PPP2R5E: variants seen among roughly 807,000 people sequenced by gnomAD.
The protein encoded by PPP2R5E is protein phosphatase 2 regulatory subunit B'epsilon, also known as serine/threonine-protein phosphatase 2A 56 kDa regulatory subunit epsilon isoform.
In PPP2R5E, 4 loss-of-function variants were observed where a neutral mutation model predicts 65.3. The ratio of observed to expected loss-of-function variants is 0.06; its 90% confidence interval spans 0.03 to 0.14. The LOEUF is 0.14. Among genes scored for constraint, PPP2R5E ranks in the 10% least tolerant of loss-of-function variants. The pLI is 1.00. For synonymous variants in PPP2R5E, 183 were observed against 187.4 expected (o/e 0.98, Z 0.19); for missense variants, 274 against 556.1 (o/e 0.49, Z 5.10).
chr14:63,526,349 A>G lies in PPP2R5E; in HGVS notation c.157+13180T>C, dbSNP rs956949656. On this transcript the variant is annotated intron_variant, in intron 2 of 13. Coordinates refer to ENST00000337537, the MANE Select transcript of PPP2R5E (RefSeq NM_006246.5). ...TTAGAACTCTATATCTTATTTTTCA[A>G]TATCATCCTTTTTAAACATCTCTAT... 7.2e-5 allele frequency among the ~76,000 whole-genome samples: 11 copies of G among 152,176 alleles called. No homozygotes were observed. The East Asian group carries it at 9.6e-4, about 13-fold the overall frequency.
intron 5 of PPP2R5E, among the ~76,000 whole-genome samples, chr14:63,407,904 C>T (rs370682842): frequency 9.8e-5 from 15 of 152,290 alleles, no homozygotes; most frequent in African/African-American, 3.6e-4. Flanking sequence ...CGTTAGATGC[C>T]AGCACCTCGA....
At chr14:63,505,109 C>A (rs61983973) in intron 2 of PPP2R5E, among the ~76,000 whole-genome samples, 6,298 of 152,110 alleles carry the variant, frequency 0.041, 183 homozygotes, top group Middle Eastern at 0.071. Context: ...CCGAGACAGG[C>A]GGATCATTTG....
intron 2 of PPP2R5E, among the ~76,000 whole-genome samples, chr14:63,506,798 A>G (rs1333508309): frequency 6.6e-6 from 1 of 152,212 alleles, no homozygotes; most frequent in Non-Finnish European, 1.5e-5. Context: ...CCCAGGTATA[A>G]TATTTACCCA....
intron 3 of PPP2R5E, among the ~76,000 whole-genome samples, chr14:63,445,211 C>T (rs73274611): frequency 0.072 from 11,029 of 152,184 alleles, 1,330 homozygotes; most frequent in African/African-American, 0.25. Flanking sequence ...TTTACAGGCA[C>T]ACCTCACATA....
intron 3 of PPP2R5E, among the ~76,000 whole-genome samples, chr14:63,430,523 T>C (rs1254755110): frequency 6.6e-6 from 1 of 152,228 alleles, no homozygotes; most frequent in East Asian, 1.9e-4. Context: ...AAGTTACTTT[T>C]GGTAACACCA....
At chr14:63,468,922 T>A (rs1350957316) in intron 2 of PPP2R5E, among the ~76,000 whole-genome samples, 5 of 152,094 alleles carry the variant, frequency 3.3e-5, no homozygotes, top group Non-Finnish European at 2.9e-5. Flanking sequence ...CCCCACACAC[T>A]CTGTTATTTA....
intron 2 of PPP2R5E, among the ~76,000 whole-genome samples, chr14:63,460,459 C>G (rs10144700): frequency 0.33 from 50,338 of 151,936 alleles, 11,142 homozygotes; most frequent in African/African-American, 0.63. Flanking sequence ...TAGAGTTGTA[C>G]ATATACTTCC....
intron 5 of PPP2R5E, among the ~76,000 whole-genome samples, chr14:63,409,774 T>C (rs1034424589): frequency 2.0e-5 from 3 of 152,246 alleles, no homozygotes; most frequent in African/African-American, 7.2e-5. Context: ...ACTGTCGATT[T>C]TGACGTGTCT....
At chr14:63,499,780 A>C (rs1046154244) in intron 2 of PPP2R5E, among the ~76,000 whole-genome samples, 1 of 152,112 alleles carries the variant, frequency 6.6e-6, no homozygotes, top group African/African-American at 2.4e-5. Context: ...GATAAGCCCC[A>C]AGAGACCATC....
At chr14:63,480,417 C>T (rs1472131057) in intron 2 of PPP2R5E, among the ~76,000 whole-genome samples, 1 of 152,194 alleles carries the variant, frequency 6.6e-6, no homozygotes, top group Non-Finnish European at 1.5e-5. Flanking sequence ...GATCACACCA[C>T]TGCACTCCAG....
intron 2 of PPP2R5E, among the ~76,000 whole-genome samples, chr14:63,468,311 C>T (rs1385117212): frequency 6.6e-6 from 1 of 152,194 alleles, no homozygotes; most frequent in African/African-American, 2.4e-5. Flanking sequence ...GATCTCCCCT[C>T]CCTTTTTGGT....
chr14:63,539,511 C>T lies in PPP2R5E; in HGVS notation c.157+18G>A, dbSNP rs532894815. On this transcript the variant is annotated intron_variant, in intron 2 of 13. Coordinates refer to ENST00000337537, the MANE Select transcript of PPP2R5E (RefSeq NM_006246.5). Reference sequence around the variant, plus strand: ...AGATCAATTGAAAAAGAATGCATCACCTGGTCATGAGCCTTACCTTTTAGC... The same window carrying T: ...AGATCAATTGAAAAAGAATGCATCATCTGGTCATGAGCCTTACCTTTTAGC... 3 of 1,604,342 alleles carry T rather than the reference C, an allele frequency of 1.9e-6. No homozygotes were observed. Among genetic ancestry groups the T allele is most frequent in the African/African-American group, 1.3e-5 (1 of 74,532 alleles).
intron 5 of PPP2R5E, among the ~76,000 whole-genome samples, chr14:63,411,793 C>G (rs1886405230): frequency 6.6e-6 from 1 of 151,938 alleles, no homozygotes; most frequent in African/African-American, 2.4e-5. Context: ...TCACCAGAAG[C>G]AGATGCTAGT....
chr14:63,376,310 C>G (rs142741833), intron 13 of PPP2R5E, among the ~76,000 whole-genome samples: 21 of 152,292 alleles, frequency 1.4e-4, no homozygotes, highest in African/African-American at 4.6e-4. Context: ...GTGATTTTCA[C>G]TTGCAGCTTA....
At chr14:63,541,256 G>A (rs756149474) in intron 1 of PPP2R5E, among the ~76,000 whole-genome samples, 1 of 152,142 alleles carries the variant, frequency 6.6e-6, no homozygotes, top group Non-Finnish European at 1.5e-5. Flanking sequence ...GCCACCTTAC[G>A]TTATTAACGC....
chr14:63,431,286 C>T (rs1174753004), intron 3 of PPP2R5E, among the ~76,000 whole-genome samples: 1 of 151,530 alleles, frequency 6.6e-6, no homozygotes, highest in African/African-American at 2.4e-5. Flanking sequence ...AAAAGCATGT[C>T]CTTAACACCT....
chr14:63,438,196 A>C (rs1419494609), intron 3 of PPP2R5E, among the ~76,000 whole-genome samples: 1 of 152,196 alleles, frequency 6.6e-6, no homozygotes, highest in Non-Finnish European at 1.5e-5. Context: ...TTCCACATTG[A>C]GGACACTCAT....
chr14:63,503,272 A>C (rs1237514479), intron 2 of PPP2R5E, among the ~76,000 whole-genome samples: 1 of 152,280 alleles, frequency 6.6e-6, no homozygotes, highest in South Asian at 2.1e-4. Flanking sequence ...AGGAGACAGA[A>C]GACGAATTTC....
At chr14:63,385,917 G>T (rs531845568) in intron 11 of PPP2R5E, among the ~76,000 whole-genome samples, 1 of 152,228 alleles carries the variant, frequency 6.6e-6, no homozygotes, top group African/African-American at 2.4e-5. Flanking sequence ...CCTTTTCTCT[G>T]CCCACCATGC....
Sources: gnomAD v4.1 joint callset for allele counts (sites outside exome capture counted in the v4.1 genomes callset) on GRCh38, gnomAD v4.1.1 for gene constraint, MANE v1.5 for transcripts, NCBI Gene and HGNC (gene_info 2026-07-23, HGNC 2026-07-21) for gene names.